The following FER variants were observed in gnomAD, a reference collection of about 807,000 sequenced individuals.
The protein encoded by FER is FER tyrosine kinase.
FER carries 63 observed loss-of-function variants against 111.0 expected under a neutral mutation model. The ratio of observed to expected loss-of-function variants is 0.57; its 90% CI spans 0.46 to 0.70. The LOEUF (loss-of-function observed/expected upper bound fraction) is 0.70, where lower values mean the gene tolerates loss of function less well. FER is among the 30% of genes least tolerant of loss of function. The pLI is 0.00. For synonymous variants in FER, 327 were observed against 313.9 expected (o/e 1.04, Z -0.44); for missense variants, 914 against 954.0 (o/e 0.96, Z 0.55).
In FER at chr5:108,805,823, C is replaced by T. The variant is rs529335775; in HGVS notation, c.207+7434C>T. 2.0e-5 allele frequency among the ~76,000 whole-genome samples: 3 copies of T among 152,214 alleles called. No homozygotes were observed. The East Asian group carries it at 5.8e-4, about 29-fold the overall frequency. On this transcript the variant is annotated intron_variant, in intron 3 of 19. Transcript: ENST00000281092. The stretch of plus-strand genomic sequence containing the variant: ...TGACTTGGGTGCTGTTAAAGGCATT[C>T]AGTTTCATAAAGGAAGCAGAGCATA...
intron 17 of FER, among the ~76,000 whole-genome samples, chr5:109,168,627 T>G (rs1006244129): frequency 6.6e-6 from 1 of 152,188 alleles, no homozygotes; most frequent in Non-Finnish European, 1.5e-5. Flanking sequence ...TTCAAGATAT[T>G]ATTTATCATA....
chr5:108,921,574 T>C (rs2149552793), intron 10 of FER, among the ~76,000 whole-genome samples: 1 of 152,286 alleles, frequency 6.6e-6, no homozygotes, highest in African/African-American at 2.4e-5. Flanking sequence ...AATAATCTCC[T>C]AGGGGATAGG....
chr5:108,971,541 A>G (rs1760665034), intron 13 of FER, among the ~76,000 whole-genome samples: 1 of 152,152 alleles, frequency 6.6e-6, no homozygotes, highest in Admixed American at 6.6e-5. Context: ...TTCTAAGGGA[A>G]ATTTCTCTCT....
intron 12 of FER, among the ~76,000 whole-genome samples, chr5:108,956,329 CCA>C (rs1168877716): frequency 1.3e-5 from 2 of 151,630 alleles, no homozygotes; most frequent in African/African-American, 4.8e-5. Flanking sequence ...AACTCGTTAA[CCA>C]CAACTTGTAT....
At chr5:108,817,056 A>T (rs2150092311) in intron 3 of FER, among the ~76,000 whole-genome samples, 1 of 141,420 alleles carries the variant, frequency 7.1e-6, no homozygotes, top group East Asian at 2.3e-4. Flanking sequence ...GTTAGCAGAG[A>T]TCATGCCACT....
chr5:109,040,870 G>T (rs994775177), intron 14 of FER, among the ~76,000 whole-genome samples: 2 of 152,232 alleles, frequency 1.3e-5, no homozygotes, highest in African/African-American at 4.8e-5. Flanking sequence ...TCACAATGGA[G>T]GATTGACTTT....
At chr5:108,980,536 C>T (rs1346366009) in intron 13 of FER, among the ~76,000 whole-genome samples, 4 of 152,108 alleles carry the variant, frequency 2.6e-5, no homozygotes. Context: ...TCTTCAATGC[C>T]ATTTCACCTG....
chr5:108,852,238 G>A (rs1762606976), intron 5 of FER, among the ~76,000 whole-genome samples: 1 of 152,134 alleles, frequency 6.6e-6, no homozygotes, highest in African/African-American at 2.4e-5. Context: ...GCCTCTTCAT[G>A]CATTATGAAT....
At chr5:108,906,925 C>T (rs574787676) in intron 10 of FER, among the ~76,000 whole-genome samples, 3 of 152,112 alleles carry the variant, frequency 2.0e-5, no homozygotes, top group African/African-American at 7.2e-5. Context: ...GTCCCTTTCT[C>T]TCAGTATTGT....
chr5:108,932,761 T>A (rs1364546672), intron 10 of FER, among the ~76,000 whole-genome samples: 1 of 151,616 alleles, frequency 6.6e-6, no homozygotes, highest in Non-Finnish European at 1.5e-5. Context: ...GATTTGCATT[T>A]CTCTAATGAC....
intron 13 of FER, among the ~76,000 whole-genome samples, chr5:108,979,327 A>G (rs909823546): frequency 6.6e-6 from 1 of 152,144 alleles, no homozygotes; most frequent in Non-Finnish European, 1.5e-5. Context: ...ATTGGACAAT[A>G]TGCTTAATCT....
At chr5:108,850,210 A>G (rs1438718080) in intron 5 of FER, among the ~76,000 whole-genome samples, 2 of 151,370 alleles carry the variant, frequency 1.3e-5, no homozygotes, top group East Asian at 1.9e-4. Flanking sequence ...AAAAAAAATC[A>G]TATTATTAGT....
At chr5:108,984,834 C>T (rs182927614) in intron 13 of FER, among the ~76,000 whole-genome samples, 77 of 152,052 alleles carry the variant, frequency 5.1e-4, no homozygotes, top group African/African-American at 1.6e-3. Flanking sequence ...CATTGCTTTT[C>T]ACAGTATTAT....
At chr5:109,169,504 A>G (rs1418265290) in intron 17 of FER, among the ~76,000 whole-genome samples, 1 of 152,198 alleles carries the variant, frequency 6.6e-6, no homozygotes, top group Non-Finnish European at 1.5e-5. Flanking sequence ...AGAAAGCAAC[A>G]TTAGAAATTG....
chr5:109,110,387 G>GT (rs1182948235), intron 17 of FER, among the ~76,000 whole-genome samples: 2 of 152,132 alleles, frequency 1.3e-5, no homozygotes. Flanking sequence ...AGTGAGCCAT[G>GT]TGAATATCAG....
intron 16 of FER, among the ~76,000 whole-genome samples, chr5:109,053,241 T>A (rs938696955): frequency 1.3e-5 from 2 of 151,670 alleles, no homozygotes; most frequent in Non-Finnish European, 2.9e-5. Context: ...ATTAGCCAAG[T>A]GTGGTGGTGC....
intron 17 of FER, among the ~76,000 whole-genome samples, chr5:109,180,464 TCTC>T (rs1011751526): frequency 1.3e-5 from 2 of 152,154 alleles, no homozygotes; most frequent in Admixed American, 6.5e-5. Flanking sequence ...CTTAGCCTCT[TCTC>T]TGTAATTTTC....
intron 10 of FER, among the ~76,000 whole-genome samples, chr5:108,931,762 G>A (rs1397249612): frequency 6.6e-6 from 1 of 151,992 alleles, no homozygotes; most frequent in East Asian, 1.9e-4. Context: ...CCTGGGAGGT[G>A]GAGGTTGCAG....
intron 8 of FER, among the ~76,000 whole-genome samples, chr5:108,878,263 A>G (rs773304552): frequency 6.6e-6 from 1 of 152,200 alleles, no homozygotes; most frequent in Non-Finnish European, 1.5e-5. Flanking sequence ...TAAAGCATGC[A>G]GATGATAAAA....
Sources: allele counts gnomAD v4.1 joint callset (sites outside exome capture counted in the v4.1 genomes callset), GRCh38; gene constraint gnomAD v4.1.1; transcripts MANE v1.5; gene names NCBI Gene and HGNC (gene_info 2026-07-23, HGNC 2026-07-21).